NBN: variants seen among roughly 807,000 people sequenced by gnomAD.
The protein encoded by NBN is nibrin.
Under a neutral mutation model 90.8 loss-of-function variants are expected in NBN, and 88 were observed. The ratio of observed to expected loss-of-function variants is 0.97; its 90% CI spans 0.82 to 1.16. The LOEUF (loss-of-function observed/expected upper bound fraction) is 1.16. Ranked by LOEUF, NBN falls within the 50% of genes most tolerant of loss-of-function variation. The pLI is 0.00. For missense variants in NBN, 894 were observed against 869.6 expected (o/e 1.03, Z -0.35); for synonymous variants, 328 against 295.1 (o/e 1.11, Z -1.14).
chr8:89,942,145 A>G (rs1809978492), intron 14 of NBN, among the ~76,000 whole-genome samples: 2 of 152,194 alleles, frequency 1.3e-5, no homozygotes, highest in Admixed American at 1.3e-4. Flanking sequence ...AAAGAGAAAT[A>G]AACCTTACAA....
chr8:89,946,570 G>T, intron 12 of NBN: 1 of 360,608 alleles, frequency 2.8e-6, no homozygotes, highest in Non-Finnish European at 5.1e-6. Flanking sequence ...TAACCTAGTA[G>T]TTATTCTAAT....
intron 4 of NBN, 128 bp downstream of exon 4, chr8:89,980,606 G>A (rs1187884785): frequency 1.4e-6 from 1 of 719,240 alleles, no homozygotes; most frequent in Non-Finnish European, 2.3e-6. Context: ...GGGATGGAGT[G>A]GGTATATATA....
At chr8:89,972,143 G>A (rs573314831) in intron 5 of NBN, among the ~76,000 whole-genome samples, 4 of 152,272 alleles carry the variant, frequency 2.6e-5, no homozygotes, top group East Asian at 1.9e-4. Flanking sequence ...AACATCCAAC[G>A]TGGTAAAAAC....
chr8:89,964,478 T>G lies in NBN; in HGVS notation c.926A>C (p.Glu309Ala). 1 of 1,608,666 alleles carries G rather than the reference T, an allele frequency of 6.2e-7. No homozygotes were observed. Among genetic ancestry groups the G allele is most frequent in the Non-Finnish European group, 8.5e-7 (1 of 1,175,134 alleles). The change falls in exon 8 of 16, where the codon GAA becomes GCA. Residue 309 changes from glutamate to alanine, a missense_variant. Glu to Ala is a moderately radical substitution (Grantham distance 107). Transcript: ENST00000265433. ...CATGAAAATCACCGCCAATCCAATT[T>G]CTGCTTCAGGAATAGGTCTAAGACC... Reference protein sequence around the residue: ...RQGLRPIPEAEIGLAVIFMTT... With the variant: ...RQGLRPIPEAAIGLAVIFMTT...
chr8:89,946,856 C>G lies in NBN; in HGVS notation c.1915-561G>C, dbSNP rs187183120. 1.6e-3 allele frequency among the ~76,000 whole-genome samples: 251 copies of G among 152,124 alleles called. 4 individuals carry two copies. The highest frequency in any genetic ancestry group is 9.7e-4 in the East Asian group (5 of 5,180). ...CAAGATTAATAGCTGTTAAATTTGC[C>G]TCAAGAGTCCTTCCTGTTATCTTTC... is the stretch of plus-strand genomic sequence containing the variant. On this transcript the variant is annotated intron_variant, in intron 12 of 15. Transcript: ENST00000265433.
intron 8 of NBN, 45 bp downstream of exon 8, chr8:89,964,364 AC>A: frequency 8.1e-6 from 13 of 1,602,842 alleles, no homozygotes; most frequent in Non-Finnish European, 1.1e-5. Flanking sequence ...TTATCGATTT[AC>A]ATAATAAAGT....
intron 5 of NBN, among the ~76,000 whole-genome samples, chr8:89,977,933 G>C (rs1811844747): frequency 6.6e-6 from 1 of 152,116 alleles, no homozygotes; most frequent in Non-Finnish European, 1.5e-5. Context: ...TGACATATGT[G>C]CTCTTCTGAC....
intron 1 of NBN, among the ~76,000 whole-genome samples, chr8:89,983,867 ACT>A (rs1439587898): frequency 1.3e-5 from 2 of 151,700 alleles, no homozygotes; most frequent in African/African-American, 2.4e-5. Flanking sequence ...CGCTCTCCAT[ACT>A]CTCTTACCCT....
At chr8:89,972,948 A>G (rs1054297341) in intron 5 of NBN, among the ~76,000 whole-genome samples, 6 of 152,216 alleles carry the variant, frequency 3.9e-5, no homozygotes, top group Admixed American at 2.0e-4. Flanking sequence ...TCACACTGTC[A>G]TTCTTAATTA....
At chr8:89,958,548 G>A (rs1393072363) in intron 9 of NBN, among the ~76,000 whole-genome samples, 177 bp downstream of exon 9, 3 of 152,098 alleles carry the variant, frequency 2.0e-5, no homozygotes, top group Admixed American at 6.5e-5. Flanking sequence ...ATAACTACTC[G>A]CCGCTCCTTT....
rs587782905 is a variant in NBN, at chr8:89,964,412, G to C, written c.992C>G (p.Thr331Arg). The C allele has an allele frequency of 2.5e-6, 4 of 1,613,692 alleles. No homozygotes were observed. Among genetic ancestry groups the C allele is most frequent in the Non-Finnish European group, 3.4e-6 (4 of 1,179,786 alleles). ...NYCDPQGHPS[T>R]GLKTTTPGPS... is the part of the protein sequence containing the mutation. ...CAATAAAATAATGCTTCAATTACCT[G>C]TACTGGGATGGCCCTGAGGATCACA... The change falls in exon 8 of 16, where the codon ACA (threonine) becomes AGA (arginine). Residue 331 changes from threonine (T) to arginine (R), a missense_variant and splice_region_variant. Coordinates refer to ENST00000265433, the MANE Select transcript of NBN (RefSeq NM_002485.5).
chr8:89,949,959 T>C (rs923664430), intron 11 of NBN, among the ~76,000 whole-genome samples: 14 of 152,168 alleles, frequency 9.2e-5, no homozygotes, highest in Admixed American at 7.2e-4. Flanking sequence ...CAACCCCACA[T>C]TGAGTAAGGT....
chr8:89,957,490 T>C (rs1810780841), intron 9 of NBN, among the ~76,000 whole-genome samples: 1 of 152,188 alleles, frequency 6.6e-6, no homozygotes, highest in Non-Finnish European at 1.5e-5. Flanking sequence ...GAAGATTTTT[T>C]TGCATATAAA....
Position 89,958,713 on chromosome 8 carries a change from A to G in NBN, c.1124+12T>C, listed in dbSNP as rs1057521099. On this transcript the variant is annotated intron_variant, in intron 9 of 15. Coordinates refer to ENST00000265433, the MANE Select transcript of NBN (RefSeq NM_002485.5). Reference sequence around the variant, plus strand: ...GAATAATAACAATAGTACGGTAATGAAGAAGCTTTACCATGTATCTGCTTG... The same window carrying G: ...GAATAATAACAATAGTACGGTAATGGAGAAGCTTTACCATGTATCTGCTTG... 5.0e-6 allele frequency: 8 copies of G among 1,612,024 alleles called. No homozygotes were observed. Among genetic ancestry groups the G allele is most frequent in the Non-Finnish European group, 6.8e-6 (8 of 1,178,212 alleles).
intron 9 of NBN, among the ~76,000 whole-genome samples, chr8:89,957,170 T>C (rs1437811665): frequency 6.6e-6 from 1 of 152,216 alleles, no homozygotes; most frequent in Non-Finnish European, 1.5e-5. Flanking sequence ...ATGACATTAT[T>C]ATCATAGGAG....
chr8:89,980,625 A>G, intron 4 of NBN, 109 bp downstream of exon 4: 1 of 902,692 alleles, frequency 1.1e-6, no homozygotes. Context: ...TAAATCTACA[A>G]CTAACAGTTC....
intron 4 of NBN, 55 bp from the exon 5 acceptor site, chr8:89,978,378 G>T (rs1811876742): frequency 6.8e-7 from 1 of 1,478,168 alleles, no homozygotes. Flanking sequence ...ATTTTTTAAA[G>T]AAAAGTTTTA....
At chr8:89,937,325 A>G (rs1007632554) in intron 14 of NBN, 1 of 498,946 alleles carries the variant, frequency 2.0e-6, no homozygotes, top group African/African-American at 1.9e-5. Context: ...AACCAATAGT[A>G]TATTGCTAGC....
intron 1 of NBN, among the ~76,000 whole-genome samples, chr8:89,983,302 C>G (rs1029210223): frequency 2.0e-5 from 3 of 152,002 alleles, no homozygotes; most frequent in Non-Finnish European, 4.4e-5. Flanking sequence ...AAAAGATGCT[C>G]AAGCCTGTAA....
Sources: gnomAD v4.1 joint callset for allele counts (sites outside exome capture counted in the v4.1 genomes callset) on GRCh38, gnomAD v4.1.1 for gene constraint, MANE v1.5 for transcripts, NCBI Gene and HGNC (gene_info 2026-07-23, HGNC 2026-07-21) for gene names.